The following BSPRY variants were observed in gnomAD, a reference collection of about 807,000 sequenced individuals.
BSPRY encodes the protein B box and SPRY domain-containing protein.
BSPRY carries 33 observed loss-of-function variants against 38.0 expected under a neutral mutation model. The ratio of observed to expected loss-of-function variants is 0.87; its 90% confidence interval spans 0.66 to 1.16. The LOEUF is 1.16. BSPRY is among the 50% of genes most tolerant of loss of function. The probability of loss-of-function intolerance (pLI) is 0.00; values close to 1 mark genes in which losing one functional copy is unlikely to be tolerated. For missense variants in BSPRY, 523 were observed against 533.2 expected, an observed-to-expected ratio of 0.98 and a Z score of 0.19; for synonymous variants, 224 against 228.5, an observed-to-expected ratio of 0.98 and a Z score of 0.18.
intron 2 of BSPRY, among the ~76,000 whole-genome samples, chr9:113,357,278 G>T (rs745315306): frequency 9.8e-5 from 15 of 152,312 alleles, no homozygotes; most frequent in South Asian, 6.2e-4. Flanking sequence ...CACAGGCATA[G>T]ATTCATGTGA....
chr9:113,349,578 C>T lies in BSPRY; in HGVS notation c.-2C>T, dbSNP rs1471548739. ...TGGAGCGCACGGGGCGGGCGCACGG[C>T]CATGTCCGCCGAGGGCGCGGAGCCG... is the stretch of plus-strand genomic sequence containing the variant. On this transcript the variant is annotated 5_prime_UTR_variant, in exon 1 of 6. Transcript: ENST00000374183. 10 of 1,162,700 alleles carry T rather than the reference C, an allele frequency of 8.6e-6. No individual in the cohort carries two copies. In the African/African-American group the frequency reaches 1.5e-4, roughly 17 times the overall value. 72.0% of individuals were successfully genotyped at this position (1,162,700 alleles called of 1,614,324 possible). A position where few individuals can be genotyped will look rare whatever the true frequency, so the allele number is the denominator to read the frequency against.
chr9:113,368,105 G>A (rs954848986), intron 4 of BSPRY, among the ~76,000 whole-genome samples, 154 bp from the exon 5 acceptor site: 2 of 152,084 alleles, frequency 1.3e-5, no homozygotes, highest in African/African-American at 4.8e-5. Flanking sequence ...AAGTGCTAGG[G>A]TCACAGGGGT....
At position 113,370,198 on chromosome 9, in the gene BSPRY, T is replaced by C; in HGVS notation, c.*56T>C. The C allele has an allele frequency of 6.7e-7, 1 of 1,502,540 alleles. No homozygotes were observed. The highest frequency in any genetic ancestry group is 2.3e-5 in the East Asian group (1 of 43,890). 93.1% of individuals were successfully genotyped at this position (1,502,540 alleles called of 1,614,324 possible). ...CCACCACCCTTTCAGGCCATGTTTC[T>C]ACTCAGTGTGCTTTTCCCAAATGAT... On this transcript the variant is annotated 3_prime_UTR_variant, in exon 6 of 6. Coordinates refer to ENST00000374183, the MANE Select transcript of BSPRY (RefSeq NM_017688.3). This position sits in a 1 kb window ranked among gnomAD's most constrained non-coding sequence, Gnocchi z 4.8.
rs77015140 is a variant in BSPRY at position 113,353,004 on chromosome 9, T to G, written c.202-1236T>G. The stretch of plus-strand genomic sequence containing the variant: ...TGCTGCTTAATGAATGAGGATAACT[T>G]GGCAGAGAGCAGTTCTGGACAGAAC... On this transcript the variant is annotated intron_variant, in intron 1 of 5. Coordinates refer to ENST00000374183, the MANE Select transcript of BSPRY (RefSeq NM_017688.3). 5.7e-3 allele frequency among the ~76,000 whole-genome samples: 866 copies of G among 152,258 alleles called. 10 individuals are homozygous for G. Among genetic ancestry groups the G allele is most frequent in the African/African-American group, 0.02 (823 of 41,536 alleles).
intron 4 of BSPRY, among the ~76,000 whole-genome samples, chr9:113,364,400 A>G (rs961838445): frequency 6.6e-6 from 1 of 152,066 alleles, no homozygotes; most frequent in Non-Finnish European, 1.5e-5. Context: ...CCCTTGTACA[A>G]TCTTTTCACA....
chr9:113,351,963 C>G (rs1261287430), intron 1 of BSPRY, among the ~76,000 whole-genome samples: 1 of 152,148 alleles, frequency 6.6e-6, no homozygotes, highest in Non-Finnish European at 1.5e-5. Flanking sequence ...GCGCATGCCA[C>G]TACGCCTGGC....
At position 113,368,340 on chromosome 9, in the gene BSPRY, A is replaced by C; in HGVS notation, c.639A>C (p.Leu213=). 6.2e-7 allele frequency: 1 copy of C among 1,614,114 alleles called. No homozygotes were observed. Among genetic ancestry groups the C allele is most frequent in the East Asian group, 2.2e-5 (1 of 44,878 alleles). The change falls in exon 5 of 6, where the codon CTA becomes CTC. Residue 213 remains leucine, a synonymous_variant. Transcript: ENST00000374183. ...ATGAGAAGTGCACTCGGAGCCCACTACTGACCCAACTCTGGGCAACGGCGG... is the reference window on the plus strand; with the variant it reads ...ATGAGAAGTGCACTCGGAGCCCACTCCTGACCCAACTCTGGGCAACGGCGG... ...NFNEKCTRSP[L]LTQLWATAVL...
chr9:113,353,723 A>AT (rs1564333255), intron 1 of BSPRY, among the ~76,000 whole-genome samples: 12 of 152,156 alleles, frequency 7.9e-5, no homozygotes, highest in Non-Finnish European at 1.8e-4. Context: ...TAAATAAAAA[A>AT]AAATAAAAAT....
rs370208051 is a variant in BSPRY at position 113,368,252 on chromosome 9, A to G, written c.558-7A>G. The G allele has an allele frequency of 6.2e-7, 1 of 1,613,720 alleles. No individual in the cohort carries two copies. Among genetic ancestry groups the G allele is most frequent in the Non-Finnish European group, 8.5e-7 (1 of 1,179,850 alleles). On this transcript the variant is annotated splice_polypyrimidine_tract_variant and splice_region_variant and intron_variant, in intron 4 of 5. Transcript: ENST00000374183. ...TGAATCTCTGTCTCTGTTTTTCCCC[A>G]TATAAGGACCGAAGAAGCAGAGGGC...
intron 5 of BSPRY, 152 bp downstream of exon 5, chr9:113,368,535 T>C: frequency 1.9e-6 from 2 of 1,072,606 alleles, no homozygotes; most frequent in Non-Finnish European, 2.6e-6. Context: ...AGGGTCAAGG[T>C]TCCAGACAGG....
At chr9:113,368,985 C>G (rs1834296111) in intron 5 of BSPRY, among the ~76,000 whole-genome samples, 1 of 136,774 alleles carries the variant, frequency 7.3e-6, no homozygotes. Flanking sequence ...GGTTAATAGA[C>G]TGATTTTTTT....
intron 5 of BSPRY, among the ~76,000 whole-genome samples, chr9:113,369,298 C>A (rs1401349518): frequency 1.3e-5 from 2 of 152,164 alleles, no homozygotes; most frequent in South Asian, 4.1e-4. Flanking sequence ...TTGGGCAACT[C>A]CCTTTTTCTC....
At chr9:113,364,855 AC>A (rs1834220609) in intron 4 of BSPRY, among the ~76,000 whole-genome samples, 1 of 151,958 alleles carries the variant, frequency 6.6e-6, no homozygotes, top group Non-Finnish European at 1.5e-5. Context: ...TCCATATCCA[AC>A]TGTTGCCAAT....
intron 1 of BSPRY, among the ~76,000 whole-genome samples, chr9:113,353,098 A>G (rs1833996881): frequency 6.6e-6 from 1 of 152,220 alleles, no homozygotes. Context: ...GAAAGTGGTT[A>G]TAACGGGCTG....
At chr9:113,357,897 TA>T (rs1834086290) in intron 2 of BSPRY, among the ~76,000 whole-genome samples, 1 of 1,434 alleles carries the variant, frequency 7.0e-4, no homozygotes, top group Non-Finnish European at 1.2e-3. Flanking sequence ...TATATATATA[TA>T]TATATATATA....
rs1211895216 is a variant in BSPRY, at chr9:113,368,389, G to A, written c.682+6G>A. The A allele has an allele frequency of 1.9e-6, 3 of 1,613,962 alleles. No individual in the cohort carries two copies. Among genetic ancestry groups the A allele is most frequent in the South Asian group, 2.2e-5 (2 of 91,066 alleles). ...GGTTCTTGGGTCTCTCTCAGGTTAG[G>A]AGCAGTAGAGCCCAGGACCATTAGG... On this transcript the variant is annotated splice_donor_region_variant and intron_variant, in intron 5 of 5. Coordinates refer to ENST00000374183, the MANE Select transcript of BSPRY (RefSeq NM_017688.3).
chr9:113,354,096 G>A, intron 1 of BSPRY, 144 bp from the exon 2 acceptor site: 1 of 645,056 alleles, frequency 1.6e-6, no homozygotes, highest in Admixed American at 2.4e-5. Flanking sequence ...TTTAGGAGGT[G>A]GTACAGTTTT....
rs766065412 is a variant in BSPRY, at chr9:113,354,223, CGTT to C, written c.202-13_202-11del. 1.5e-4 allele frequency: 246 copies of C among 1,608,966 alleles called. 1 individual carries two copies. In the South Asian group the frequency reaches 2.6e-3, roughly 17 times the overall value. On this transcript the variant is annotated splice_polypyrimidine_tract_variant and intron_variant, in intron 1 of 5. Transcript: ENST00000374183. ...GGTACATGGACCAAGATGCCACAAG[CGTT>C]GTTTGTGTTGCAGAACAAGATTGTG... is the stretch of plus-strand genomic sequence containing the variant.
chr9:113,370,071 C>T lies in BSPRY; in HGVS notation c.1138C>T (p.His380Tyr), dbSNP rs771290013. The T allele has an allele frequency of 3.7e-6, 6 of 1,612,638 alleles. No individual in the cohort carries two copies. In the South Asian group the frequency reaches 5.5e-5, roughly 15 times the overall value. Reference sequence around the variant, plus strand: ...CTCCGGCACAGTGCTCTGTGCCCATCATGTGTCCTTCCCGGGGCCCCTCTT... The same window carrying T: ...CTCCGGCACAGTGCTCTGTGCCCATTATGTGTCCTTCCCGGGGCCCCTCTT... ...PASGTVLCAH[H>Y]VSFPGPLFPV... Residue 380 changes from histidine (H) to tyrosine (Y), a missense_variant, in exon 6 of 6, where the codon CAT becomes TAT. Physicochemically the swap from His to Tyr is moderately conservative, Grantham distance 83. Coordinates refer to ENST00000374183, the MANE Select transcript of BSPRY (RefSeq NM_017688.3). The surrounding 1 kb of genome is among the most constrained non-coding windows in gnomAD (Gnocchi z 4.8).
Sources: gnomAD v4.1 joint callset for allele counts (sites outside exome capture counted in the v4.1 genomes callset) on GRCh38, gnomAD v4.1.1 for gene constraint, Gnocchi (gnomAD v3.1) non-coding constraint, MANE v1.5 for transcripts, NCBI Gene and HGNC (gene_info 2026-07-23, HGNC 2026-07-21) for gene names.